Variants in MTMR8 observed in about 807,000 individuals in gnomAD.
MTMR8 encodes myotubularin related protein 8.
In MTMR8, 65 loss-of-function variants were observed where a neutral mutation model predicts 39.3. The observed-to-expected ratio is 1.65, with a 90% CI of 1.35 to 2.03. MTMR8 has a LOEUF of 2.03. MTMR8 is among the 30% of genes most tolerant of loss of function. The pLI, the probability that MTMR8 is intolerant of heterozygous loss-of-function variation, is 0.00. For synonymous variants in MTMR8, 245 were observed against 185.2 expected, an observed-to-expected ratio of 1.32 and a Z score of -2.62; for missense variants, 777 against 538.9, an observed-to-expected ratio of 1.44 and a Z score of -4.37.
In MTMR8 at chrX:64,381,695, T is replaced by G. The variant is rs1374303747; in HGVS notation, c.24+13645A>C. ...TCCTTGCCCATGCCTATGTCCTGAATGGTATTGCCTAGGTTTTCTTCTAGG... is the reference window on the plus strand; with the variant it reads ...TCCTTGCCCATGCCTATGTCCTGAAGGGTATTGCCTAGGTTTTCTTCTAGG... On this transcript the variant is annotated intron_variant, in intron 1 of 13. Coordinates refer to ENST00000374852, the MANE Select transcript of MTMR8 (RefSeq NM_017677.4). Among the ~76,000 whole-genome samples the G allele has an allele frequency of 3.6e-5, 4 of 111,338 alleles. No homozygotes were observed. The East Asian group carries it at 1.1e-3, about 31-fold the overall frequency.
chrX:64,300,887 G>C lies in MTMR8; in HGVS notation c.1481+27885C>G, dbSNP rs369209051. 9.0e-5 allele frequency among the ~76,000 whole-genome samples: 10 copies of C among 110,941 alleles called. No homozygotes were observed. The South Asian group carries it at 3.9e-3, about 43-fold the overall frequency. On this transcript the variant is annotated intron_variant, in intron 12 of 13. Transcript: ENST00000374852. ...CTGGGTTGAAAATTCTTTCCTTTAA[G>C]AATGTTGAATATTGGCCTCCACTCT...
intron 12 of MTMR8, among the ~76,000 whole-genome samples, chrX:64,308,408 A>T (rs1454043262): frequency 3.0e-5 from 3 of 99,409 alleles, no homozygotes. Flanking sequence ...TGACCTCGTG[A>T]TCCACTGGAC....
At chrX:64,385,853 G>T (rs745373082) in intron 1 of MTMR8, among the ~76,000 whole-genome samples, 12 of 111,562 alleles carry the variant, frequency 1.1e-4, no homozygotes, top group Non-Finnish European at 2.1e-4. Flanking sequence ...TTCAACTTGA[G>T]ACTTGGTGGG....
intron 12 of MTMR8, among the ~76,000 whole-genome samples, chrX:64,290,246 T>C (rs1454210191): frequency 9.1e-6 from 1 of 110,069 alleles, no homozygotes. Flanking sequence ...TTTAAGTGCA[T>C]TTTACTACAC....
intron 1 of MTMR8, among the ~76,000 whole-genome samples, chrX:64,379,622 G>C (rs1441460931): frequency 9.0e-6 from 1 of 111,101 alleles, no homozygotes; most frequent in East Asian, 2.8e-4. Context: ...GCATGCCTGT[G>C]TCCAAATTTC....
At chrX:64,300,425 C>T (rs1475563318) in intron 12 of MTMR8, among the ~76,000 whole-genome samples, 6 of 110,982 alleles carry the variant, frequency 5.4e-5, no homozygotes, top group African/African-American at 2.0e-4. Flanking sequence ...TTTCCATTTG[C>T]TTGGTAGAGC....
intron 12 of MTMR8, among the ~76,000 whole-genome samples, chrX:64,282,704 A>C (rs1921005039): frequency 9.0e-6 from 1 of 111,553 alleles, no homozygotes; most frequent in African/African-American, 3.3e-5. Flanking sequence ...CAAAAGAATA[A>C]AAATGGATAA....
intron 12 of MTMR8, among the ~76,000 whole-genome samples, chrX:64,309,607 G>A (rs934451536): frequency 3.6e-5 from 4 of 111,094 alleles, no homozygotes; most frequent in African/African-American, 1.3e-4. Context: ...TTAATTCTAT[G>A]GCTAGGACTT....
chrX:64,319,645 A>G (rs1205303652), intron 12 of MTMR8, among the ~76,000 whole-genome samples: 1 of 111,735 alleles, frequency 8.9e-6, no homozygotes, highest in Non-Finnish European at 1.9e-5. Flanking sequence ...TCCCAGCACC[A>G]TTTATTAAAT....
chrX:64,319,560 C>T (rs1212738328), intron 12 of MTMR8, among the ~76,000 whole-genome samples: 1 of 111,804 alleles, frequency 8.9e-6, no homozygotes, highest in Non-Finnish European at 1.9e-5. Context: ...GTCTTTAATC[C>T]ATTTTGAATT....
rs980343161 is a variant in MTMR8, at chrX:64,380,956, G to T, written c.24+14384C>A. ...TTTTTAGGGCTGCGTAGTATTCCAT[G>T]GTGTATATGTGCCACATTTTCTTAA... On this transcript the variant is annotated intron_variant, in intron 1 of 13. Coordinates refer to ENST00000374852, the MANE Select transcript of MTMR8 (RefSeq NM_017677.4). Among the ~76,000 whole-genome samples, 12 of 112,064 alleles carry T rather than the reference G, an allele frequency of 1.1e-4. No homozygotes were observed. The Admixed American group carries it at 1.1e-3, about 11-fold the overall frequency.
intron 12 of MTMR8, among the ~76,000 whole-genome samples, chrX:64,300,150 T>C (rs1299327379): frequency 9.4e-6 from 1 of 106,293 alleles, no homozygotes; most frequent in African/African-American, 3.4e-5. Flanking sequence ...ACTTTCTGTC[T>C]CATTGATCTG....
rs138607731 is a variant in MTMR8, at chrX:64,392,549, G to C, written c.24+2791C>G. ...CTTGGGAGGGGTATTGACTGGAAGG[G>C]GGCATGAAGTGGACTTCTAGTAATG... On this transcript the variant is annotated intron_variant, in intron 1 of 13. Transcript: ENST00000374852. 5.2e-4 allele frequency among the ~76,000 whole-genome samples: 58 copies of C among 111,304 alleles called. No homozygotes were observed. In the East Asian group the frequency reaches 0.015, roughly 29 times the overall value.
intron 12 of MTMR8, among the ~76,000 whole-genome samples, chrX:64,276,971 T>G (rs954337650): frequency 6.2e-5 from 7 of 112,314 alleles, no homozygotes; most frequent in Non-Finnish European, 1.3e-4. Context: ...TAGTTAACTC[T>G]TCTTGTTGCA....
intron 1 of MTMR8, chrX:64,360,508 AC>A: frequency 2.1e-5 from 3 of 145,002 alleles, no homozygotes; most frequent in Non-Finnish European, 4.1e-5. Context: ...ATTCAAGACA[AC>A]AAAAAAAAAT....
At chrX:64,322,943 G>T (rs1922692031) in intron 12 of MTMR8, among the ~76,000 whole-genome samples, 1 of 112,689 alleles carries the variant, frequency 8.9e-6, no homozygotes, top group African/African-American at 3.2e-5. Flanking sequence ...ACTGAGTACT[G>T]CCCAGTGATG....
chrX:64,345,282 T>C (rs1923321944), intron 6 of MTMR8, 105 bp from the exon 7 acceptor site: 1 of 809,456 alleles, frequency 1.2e-6, no homozygotes, highest in Non-Finnish European at 1.7e-6. Flanking sequence ...CCTACCCAAT[T>C]AAAAAGAAGT....
chrX:64,363,303 G>A (rs1923846662), intron 1 of MTMR8, among the ~76,000 whole-genome samples: 1 of 112,214 alleles, frequency 8.9e-6, no homozygotes, highest in African/African-American at 3.2e-5. Context: ...AATGTTGGTG[G>A]TGGGGCCTGG....
Position 64,268,944 on chromosome X carries a change from G to A in MTMR8, c.1708C>T (p.Leu570Phe). ...TCTCCATTGATACCCATAAAGCCAA[G>A]AGGATTGGTCAAAGGACTTCCCAGA... ...QHLGSPLTNP[L>F]GFMGINGDLN... is the part of the protein sequence containing the mutation. The change falls in exon 14 of 14, where the codon CTT (leucine) becomes TTT (phenylalanine). Residue 570 changes from leucine to phenylalanine, a missense_variant. Coordinates refer to ENST00000374852, the MANE Select transcript of MTMR8 (RefSeq NM_017677.4). 8.3e-7 allele frequency: 1 copy of A among 1,211,877 alleles called. No homozygotes were observed.
Sources: allele counts gnomAD v4.1 joint callset (sites outside exome capture counted in the v4.1 genomes callset), GRCh38; gene constraint gnomAD v4.1.1; transcripts MANE v1.5; gene names NCBI Gene and HGNC (gene_info 2026-07-23, HGNC 2026-07-21).